The following DPP6 variants were observed in gnomAD, a reference collection of about 807,000 sequenced individuals.
The protein encoded by DPP6 is A-type potassium channel modulatory protein DPP6.
A neutral mutation model predicts 122.6 loss-of-function variants in DPP6; 69 were observed. The ratio of observed to expected loss-of-function variants is 0.56; its 90% CI spans 0.46 to 0.69. The LOEUF (loss-of-function observed/expected upper bound fraction) is 0.69. DPP6 is among the 30% of genes least tolerant of loss of function. The probability of loss-of-function intolerance (pLI) is 0.00; values close to 1 mark genes in which losing one functional copy is unlikely to be tolerated. For synonymous variants in DPP6, 418 were observed against 433.1 expected, an observed-to-expected ratio of 0.97 and a Z score of 0.43; for missense variants, 928 against 1,116.9, an observed-to-expected ratio of 0.83 and a Z score of 2.41.
At chr7:154,253,327 A>G (rs6464393) in intron 1 of DPP6, among the ~76,000 whole-genome samples, 1 of 152,188 alleles carries the variant, frequency 6.6e-6, no homozygotes, top group African/African-American at 2.4e-5. Context: ...GAAATAAGCA[A>G]AAGTGAATGC....
At chr7:153,872,788 A>G in the DPP6 span, among the ~76,000 whole-genome samples, 1 of 152,172 alleles carries the variant, frequency 6.6e-6, no homozygotes, top group Non-Finnish European at 1.5e-5. Flanking sequence ...GTCCTTAGCA[A>G]TTATACCTGT....
chr7:154,210,481 T>C (rs1799681192), intron 1 of DPP6, among the ~76,000 whole-genome samples: 1 of 152,224 alleles, frequency 6.6e-6, no homozygotes, highest in Admixed American at 6.5e-5. Context: ...AGTATCTACC[T>C]GATAATGGTG....
chr7:154,435,902 A>G (rs887003416), intron 1 of DPP6, among the ~76,000 whole-genome samples: 4 of 152,186 alleles, frequency 2.6e-5, no homozygotes, highest in African/African-American at 9.7e-5. Flanking sequence ...GCAGTCATGT[A>G]TGTGTCGTTT....
At chr7:154,372,601 A>G (rs1298525971) in intron 1 of DPP6, among the ~76,000 whole-genome samples, 1 of 152,210 alleles carries the variant, frequency 6.6e-6, no homozygotes, top group Non-Finnish European at 1.5e-5. Flanking sequence ...TTTTTTAAAA[A>G]TTGCTTCCTG....
chr7:154,061,581 C>T (rs1419910569), intron 1 of DPP6, among the ~76,000 whole-genome samples: 1 of 146,168 alleles, frequency 6.8e-6, no homozygotes, highest in East Asian at 2.0e-4. Context: ...TGAGATCCAT[C>T]CCCTCTTCCC....
the DPP6 span, among the ~76,000 whole-genome samples, chr7:153,790,225 T>C: frequency 3.9e-5 from 6 of 152,164 alleles, no homozygotes; most frequent in African/African-American, 1.4e-4. Context: ...CAATATATAA[T>C]CTTCAAAGGT....
the DPP6 span, among the ~76,000 whole-genome samples, chr7:153,825,090 A>T: frequency 6.6e-6 from 1 of 152,022 alleles, no homozygotes; most frequent in South Asian, 2.1e-4. Flanking sequence ...GTGACACCCC[A>T]TCTGTTTCTG....
At chr7:154,438,312 A>T (rs1563671318) in intron 1 of DPP6, among the ~76,000 whole-genome samples, 1 of 151,762 alleles carries the variant, frequency 6.6e-6, no homozygotes, top group Non-Finnish European at 1.5e-5. Context: ...CTAAAAAAAT[A>T]CAAAAAAATT....
At chr7:154,810,393 T>C (rs1216066378) in intron 16 of DPP6, among the ~76,000 whole-genome samples, 2 of 152,174 alleles carry the variant, frequency 1.3e-5, no homozygotes, top group African/African-American at 4.8e-5. Context: ...GAGCCCGTGG[T>C]AGATAGAAAC....
chr7:154,841,964 T>G (rs1009425389), intron 16 of DPP6, among the ~76,000 whole-genome samples: 3 of 152,174 alleles, frequency 2.0e-5, no homozygotes, highest in Admixed American at 2.0e-4. Context: ...TCGGCAGTGT[T>G]GACTAGGAAA....
At chr7:154,646,601 A>G (rs768506148) in intron 6 of DPP6, among the ~76,000 whole-genome samples, 27 of 151,988 alleles carry the variant, frequency 1.8e-4, no homozygotes, top group Non-Finnish European at 2.1e-4. Flanking sequence ...GGCTACTTCC[A>G]TTGTTGTAGA....
chr7:154,003,045 G>A (rs868557732), intron 1 of DPP6, among the ~76,000 whole-genome samples: 31 of 152,146 alleles, frequency 2.0e-4, no homozygotes, highest in Non-Finnish European at 5.9e-5. Flanking sequence ...AGGGCAAAAG[G>A]ATGAAGTGTG....
At chr7:153,802,471 G>C in the DPP6 span, among the ~76,000 whole-genome samples, 1 of 152,066 alleles carries the variant, frequency 6.6e-6, no homozygotes. Context: ...CCAGAAATTT[G>C]AGAGATGATA....
chr7:154,508,719 C>T lies in DPP6; in HGVS notation c.458-31813C>T, dbSNP rs141391504. ...CTCAGAGGAATTTGGAAAATGTAGT[C>T]TGGTTGAAGGCTAAGAAAGAAAAGG... On this transcript the variant is annotated intron_variant, in intron 3 of 25. Transcript: ENST00000377770. Among the ~76,000 whole-genome samples, 230 of 152,256 alleles carry T rather than the reference C, an allele frequency of 1.5e-3. 1 individual carries two copies. Among genetic ancestry groups the T allele is most frequent in the Admixed American group, 4.3e-3 (65 of 15,284 alleles).
At chr7:154,358,398 A>G (rs1811450344) in intron 1 of DPP6, among the ~76,000 whole-genome samples, 1 of 152,196 alleles carries the variant, frequency 6.6e-6, no homozygotes, top group South Asian at 2.1e-4. Context: ...CTCAATTTGT[A>G]AACTGTGAAC....
chr7:154,217,460 T>A (rs956021654), intron 1 of DPP6, among the ~76,000 whole-genome samples: 13 of 152,208 alleles, frequency 8.5e-5, no homozygotes, highest in Non-Finnish European at 1.2e-4. Context: ...TCTGGGATGT[T>A]AGTGTGTAAA....
At position 154,650,411 on chromosome 7, in the gene DPP6, G is replaced by C. The variant is rs548399882; in HGVS notation, c.680+12538G>C. Among the ~76,000 whole-genome samples, 12 of 152,196 alleles carry C rather than the reference G, an allele frequency of 7.9e-5. No individual in the cohort carries two copies. The South Asian group carries it at 2.5e-3, about 32-fold the overall frequency. ...ATCCCAGTAGCCTGGCTCTGGGCTG[G>C]GTCTGTCTGTTGCTTAAAGGCTTAA... is the stretch of plus-strand genomic sequence containing the variant. On this transcript the variant is annotated intron_variant, in intron 6 of 25. Coordinates refer to ENST00000377770, the MANE Select transcript of DPP6 (RefSeq NM_130797.4).
At chr7:154,634,998 A>G (rs767660466) in intron 5 of DPP6, among the ~76,000 whole-genome samples, 2 of 152,156 alleles carry the variant, frequency 1.3e-5, no homozygotes, top group Non-Finnish European at 2.9e-5. Flanking sequence ...ATTTGTTGCT[A>G]TACTGAAATT....
intron 6 of DPP6, among the ~76,000 whole-genome samples, chr7:154,661,682 G>T (rs1484757287): frequency 1.4e-5 from 2 of 145,306 alleles, no homozygotes; most frequent in African/African-American, 5.3e-5. Context: ...ATTGGCGCTA[G>T]TATTCATATA....
Sources: gnomAD v4.1 joint callset for allele counts (sites outside exome capture counted in the v4.1 genomes callset) on GRCh38, gnomAD v4.1.1 for gene constraint, MANE v1.5 for transcripts, NCBI Gene and HGNC (gene_info 2026-07-23, HGNC 2026-07-21) for gene names.